The following PPARG variants were observed in gnomAD, a reference collection of about 807,000 sequenced individuals.
PPARG encodes peroxisome proliferator-activated receptor gamma.
A neutral mutation model predicts 39.2 loss-of-function variants in PPARG; 17 were observed. The observed-to-expected ratio is 0.43, with a 90% CI of 0.30 to 0.65. PPARG has a LOEUF of 0.65. PPARG is among the 30% of genes least tolerant of loss of function. The pLI is 0.13. For synonymous variants in PPARG, 223 were observed against 215.7 expected (o/e 1.03, Z -0.30); for missense variants, 406 against 585.9 (o/e 0.69, Z 3.17).
chr3:12,424,045 T>C (rs553043354), intron 7 of PPARG, among the ~76,000 whole-genome samples: 2 of 152,300 alleles, frequency 1.3e-5, no homozygotes, highest in Middle Eastern at 3.4e-3. Flanking sequence ...CCACAGCTAG[T>C]TGGTAAAATG....
At position 12,379,844 on chromosome 3, in the gene PPARG, A is replaced by T. The variant is rs201978569; in HGVS notation, c.133A>T (p.Thr45Ser). Residue 45 changes from threonine to serine, a missense_variant, in exon 3 of 8, where the codon ACT becomes TCT. This residue lies in a region of PPARG where 131 missense variants were observed against 127.9 expected (regional missense o/e 1.02). Transcript: ENST00000651735. ...FTTVDFSSIS[T>S]PHYEDIPFTR... ...TACTGTTGACTTCTCCAGCATTTCT[A>T]CTCCACATTACGAAGACATTCCATT... 2 of 1,613,798 alleles carry T rather than the reference A, an allele frequency of 1.2e-6. No individual in the cohort carries two copies. The highest frequency in any genetic ancestry group is 2.2e-5 in the South Asian group (2 of 91,074).
chr3:12,350,026 CAG>C (rs2125090108), intron 2 of PPARG, among the ~76,000 whole-genome samples: 1 of 152,240 alleles, frequency 6.6e-6, no homozygotes, highest in Admixed American at 6.5e-5. Flanking sequence ...CAAAGAGTAA[CAG>C]AGACTGGTAT....
intron 4 of PPARG, 95 bp from the exon 5 acceptor site, chr3:12,392,519 T>C (rs2050112489): frequency 6.9e-7 from 1 of 1,452,250 alleles, no homozygotes; most frequent in East Asian, 2.3e-5. Flanking sequence ...GAACCTGCCT[T>C]TTCTGATTCC....
intron 1 of PPARG, among the ~76,000 whole-genome samples, chr3:12,295,466 C>T (rs943139844): frequency 6.6e-6 from 1 of 150,820 alleles, no homozygotes. Context: ...TATTTAAAAG[C>T]AATATAATGT....
chr3:12,388,245 C>T (rs1365451452), intron 4 of PPARG, among the ~76,000 whole-genome samples: 4 of 152,166 alleles, frequency 2.6e-5, no homozygotes, highest in Non-Finnish European at 4.4e-5. Context: ...AATTCTACAT[C>T]GGGCATATTC....
intron 7 of PPARG, 44 bp downstream of exon 7, chr3:12,417,198 T>C (rs1278729822): frequency 1.3e-6 from 2 of 1,591,682 alleles, no homozygotes; most frequent in South Asian, 1.1e-5. Context: ...GGTGGGATGA[T>C]GGTGGGGTGG....
At chr3:12,368,646 T>C (rs2049105166) in intron 2 of PPARG, among the ~76,000 whole-genome samples, 1 of 152,230 alleles carries the variant, frequency 6.6e-6, no homozygotes, top group South Asian at 2.1e-4. Flanking sequence ...ATAATACTTG[T>C]GTATAACAAC....
chr3:12,343,539 CA>C (rs1398118671), intron 2 of PPARG, among the ~76,000 whole-genome samples: 3 of 152,156 alleles, frequency 2.0e-5, no homozygotes, highest in African/African-American at 7.2e-5. Context: ...GGCCTCAAGT[CA>C]GTGGCGAGTA....
chr3:12,295,215 C>T (rs2046749259), intron 1 of PPARG, among the ~76,000 whole-genome samples: 1 of 152,120 alleles, frequency 6.6e-6, no homozygotes, highest in Non-Finnish European at 1.5e-5. Context: ...TGTAAACAAG[C>T]TTTTGACTGC....
chr3:12,339,310 G>A (rs763420456), intron 2 of PPARG, among the ~76,000 whole-genome samples: 3 of 152,168 alleles, frequency 2.0e-5, no homozygotes, highest in African/African-American at 4.8e-5. Context: ...GGGATTGGGG[G>A]TAGTAATTGG....
At chr3:12,325,421 CTAAATAAA>C (rs1173431281) in intron 2 of PPARG, among the ~76,000 whole-genome samples, 13 of 151,452 alleles carry the variant, frequency 8.6e-5, no homozygotes, top group African/African-American at 1.9e-4. Context: ...GACTTTGTCT[CTAAATAAA>C]TAAATAAATA....
intron 2 of PPARG, among the ~76,000 whole-genome samples, chr3:12,325,735 C>G (rs2047678002): frequency 6.6e-6 from 1 of 150,650 alleles, no homozygotes; most frequent in African/African-American, 2.4e-5. Context: ...AAAAGGCAGT[C>G]ACTTGTCTGT....
intron 2 of PPARG, chr3:12,351,487 C>T: frequency 1.2e-6 from 1 of 866,472 alleles, no homozygotes; most frequent in Non-Finnish European, 1.9e-6. Flanking sequence ...TGGGTGTATT[C>T]ACAAATTCTG....
chr3:12,412,285 A>C (rs970579174), intron 6 of PPARG, among the ~76,000 whole-genome samples: 2 of 152,188 alleles, frequency 1.3e-5, no homozygotes, highest in Non-Finnish European at 2.9e-5. Context: ...AAGGTAAAAA[A>C]AAAATTAATT....
At position 12,416,982 on chromosome 3, in the gene PPARG, G is replaced by C; in HGVS notation, c.1008G>C (p.Gly336=). 1 of 1,614,026 alleles carries C rather than the reference G, an allele frequency of 6.2e-7. No homozygotes were observed. The change falls in exon 7 of 8, where the codon GGG becomes GGC. Residue 336 remains glycine (G), a synonymous_variant. Coordinates refer to ENST00000651735, the MANE Select transcript of PPARG (RefSeq NM_138711.6). ...TGGCCTCCTTGATGAATAAAGATGG[G>C]GTTCTCATATCCGAGGGCCAAGGCT... ...TMLASLMNKD[G]VLISEGQGFM... is the part of the protein sequence containing the mutation.
chr3:12,354,543 A>G (rs2048595442), intron 2 of PPARG, among the ~76,000 whole-genome samples: 1 of 152,036 alleles, frequency 6.6e-6, no homozygotes, highest in Non-Finnish European at 1.5e-5. Context: ...CAGGAGGTCA[A>G]GAGGTCAAGA....
At position 12,300,898 on chromosome 3, in the gene PPARG, A is replaced by G. The variant is rs913914614; in HGVS notation, c.-82-11482A>G. Among the ~76,000 whole-genome samples the G allele has an allele frequency of 1.1e-4, 17 of 152,256 alleles. No homozygotes were observed. The South Asian group carries it at 1.2e-3, about 11-fold the overall frequency. On this transcript the variant is annotated intron_variant, in intron 1 of 7. Transcript: ENST00000651735. Reference sequence around the variant, plus strand: ...TTCCCAGCCAAACTGGGTGCACTATATACACTTTTTAATACTTTTCAACTT... The same window carrying G: ...TTCCCAGCCAAACTGGGTGCACTATGTACACTTTTTAATACTTTTCAACTT...
At chr3:12,350,706 T>A (rs1393340869) in intron 2 of PPARG, among the ~76,000 whole-genome samples, 1 of 152,204 alleles carries the variant, frequency 6.6e-6, no homozygotes, top group Non-Finnish European at 1.5e-5. Context: ...GTAAGTCTAT[T>A]TTTTTCTGGT....
chr3:12,390,850 CT>C (rs1417944505), intron 4 of PPARG, among the ~76,000 whole-genome samples: 3 of 151,894 alleles, frequency 2.0e-5, no homozygotes, highest in Non-Finnish European at 4.4e-5. Flanking sequence ...AAGGTTTCAC[CT>C]TGTTGCCCAG....
Sources: allele counts gnomAD v4.1 joint callset (sites outside exome capture counted in the v4.1 genomes callset), GRCh38; gene constraint gnomAD v4.1.1; regional missense constraint gnomAD v4.1.1; transcripts MANE v1.5; gene names NCBI Gene and HGNC (gene_info 2026-07-23, HGNC 2026-07-21).